F13B: variants seen among roughly 807,000 people sequenced by gnomAD.
F13B encodes the protein TGase.
A neutral mutation model predicts 79.8 loss-of-function variants in F13B; 58 were observed. The ratio of observed to expected loss-of-function variants is 0.73; its 90% CI spans 0.59 to 0.90. The LOEUF is 0.90. F13B is among the 40% of genes least tolerant of loss of function. The probability of loss-of-function intolerance (pLI) is 0.00; values close to 1 mark genes in which losing one functional copy is unlikely to be tolerated. For synonymous variants in F13B, 283 were observed against 260.3 expected, an observed-to-expected ratio of 1.09 and a Z score of -0.84; for missense variants, 773 against 777.0, an observed-to-expected ratio of 0.99 and a Z score of 0.06.
chr1:197,065,016 T>G (rs960494083), intron 1 of F13B, among the ~76,000 whole-genome samples: 1 of 152,158 alleles, frequency 6.6e-6, no homozygotes, highest in Non-Finnish European at 1.5e-5. Context: ...AAACTTCCAC[T>G]ATCTGATGGA....
intron 5 of F13B, among the ~76,000 whole-genome samples, chr1:197,059,556 C>T (rs74987187): frequency 0.023 from 3,449 of 152,228 alleles, 61 homozygotes; most frequent in Non-Finnish European, 0.037. Context: ...ACCCTATCCT[C>T]CCAATTCTCA....
At chr1:197,060,336 A>AT in intron 5 of F13B, 30 bp downstream of exon 5, 1 of 1,562,060 alleles carries the variant, frequency 6.4e-7, no homozygotes, top group Non-Finnish European at 8.8e-7. Context: ...AAGACATGGC[A>AT]TTTTGCGAGT....
In F13B at chr1:197,067,232, G is replaced by A. The variant is rs1656093109; in HGVS notation, c.-9C>T. On this transcript the variant is annotated 5_prime_UTR_variant, in exon 1 of 12. Coordinates refer to ENST00000367412, the MANE Select transcript of F13B (RefSeq NM_001994.3). ...AGGTTTTTCAACCTCATCTTCAGTG[G>A]TGTGCTTCACAAAGATTTTAACAAT... The A allele has an allele frequency of 3.1e-6, 5 of 1,601,844 alleles. No individual in the cohort carries two copies. In the South Asian group the frequency reaches 5.5e-5, roughly 18 times the overall value.
chr1:197,039,909 A>G (rs1654974608), intron 11 of F13B, among the ~76,000 whole-genome samples: 1 of 152,070 alleles, frequency 6.6e-6, no homozygotes, highest in African/African-American at 2.4e-5. Context: ...TGAACAAAAA[A>G]TATAATTTCC....
rs1339659722 is a variant in F13B at position 197,060,544 on chromosome 1, T to C, written c.629-2A>G. Reference sequence around the variant, plus strand: ...ATCTTAAAGAAGAGCACTTTAATTCTGCAAATAAAAGAATGAATAAAATTA... The same window carrying C: ...ATCTTAAAGAAGAGCACTTTAATTCCGCAAATAAAAGAATGAATAAAATTA... On this transcript the variant is annotated splice_acceptor_variant, in intron 4 of 11. Coordinates refer to ENST00000367412, the MANE Select transcript of F13B (RefSeq NM_001994.3). LOFTEE classifies it high-confidence loss of function. 6 of 1,559,394 alleles carry C rather than the reference T, an allele frequency of 3.8e-6. No homozygotes were observed. The highest frequency in any genetic ancestry group is 8.8e-7 in the Non-Finnish European group (1 of 1,137,832).
chr1:197,064,281 C>T (rs576210649), intron 1 of F13B, among the ~76,000 whole-genome samples: 97 of 152,006 alleles, frequency 6.4e-4, no homozygotes, highest in African/African-American at 2.3e-3. Context: ...ATGTACAAAC[C>T]ATATTACCCA....
chr1:197,047,871 T>C (rs545021723), intron 10 of F13B, among the ~76,000 whole-genome samples: 1 of 152,270 alleles, frequency 6.6e-6, no homozygotes, highest in South Asian at 2.1e-4. Context: ...GCCATCATTG[T>C]AAGCAAACTA....
intron 10 of F13B, among the ~76,000 whole-genome samples, chr1:197,048,931 T>C (rs1274550112): frequency 6.6e-6 from 1 of 152,098 alleles, no homozygotes; most frequent in Non-Finnish European, 1.5e-5. Context: ...ATGTCTTAAT[T>C]GAATTAAACT....
intron 10 of F13B, among the ~76,000 whole-genome samples, chr1:197,046,269 T>C (rs1271348938): frequency 6.6e-6 from 1 of 152,134 alleles, no homozygotes; most frequent in East Asian, 1.9e-4. Context: ...GAAAACCCCA[T>C]CGTCTCAGCC....
intron 10 of F13B, 24 bp from the exon 11 acceptor site, chr1:197,040,759 A>C: frequency 6.5e-7 from 1 of 1,547,736 alleles, no homozygotes; most frequent in South Asian, 1.2e-5. Flanking sequence ...TTTAAAAAAA[A>C]AGAAAGAAAA....
intron 10 of F13B, among the ~76,000 whole-genome samples, chr1:197,043,783 T>C (rs1271511396): frequency 2.6e-5 from 4 of 151,978 alleles, no homozygotes; most frequent in South Asian, 2.1e-4. Context: ...AGAGAAAATA[T>C]AGATTTAAAG....
chr1:197,054,082 C>T (rs1214048142), intron 8 of F13B, among the ~76,000 whole-genome samples: 2 of 152,068 alleles, frequency 1.3e-5, no homozygotes, highest in Non-Finnish European at 1.5e-5. Flanking sequence ...TCAATAGTTA[C>T]CAAGATATAC....
At position 197,057,341 on chromosome 1, in the gene F13B, C is replaced by T. The variant is rs1655682776; in HGVS notation, c.930G>A (p.Gly310=). The T allele has an allele frequency of 6.2e-7, 1 of 1,613,794 alleles. No individual in the cohort carries two copies. Among genetic ancestry groups the T allele is most frequent in the East Asian group, 2.2e-5 (1 of 44,870 alleles). ...IECELNFEIH[G]SAEIRCEDGK... is the part of the protein sequence containing the mutation. ...CATCTTCACAACGTATTTCTGCTGA[C>T]CCATGGATCTCAAAATTAAGTTCAC... Residue 310 remains glycine, a synonymous_variant, in exon 6 of 12, where the codon GGG becomes GGA. Coordinates refer to ENST00000367412, the MANE Select transcript of F13B (RefSeq NM_001994.3).
At chr1:197,059,289 ATACC>A (rs1157388851) in intron 5 of F13B, among the ~76,000 whole-genome samples, 2 of 152,164 alleles carry the variant, frequency 1.3e-5, no homozygotes, top group East Asian at 3.9e-4. Context: ...CTCTACTACT[ATACC>A]AAGGATGTCG....
At chr1:197,066,772 A>C (rs1356596047) in intron 1 of F13B, among the ~76,000 whole-genome samples, 1 of 152,170 alleles carries the variant, frequency 6.6e-6, no homozygotes, top group Non-Finnish European at 1.5e-5. Context: ...CTCTCACCTT[A>C]TGAACAGAAT....
intron 5 of F13B, among the ~76,000 whole-genome samples, chr1:197,058,110 A>T (rs1165479927): frequency 6.6e-6 from 1 of 152,192 alleles, no homozygotes; most frequent in Non-Finnish European, 1.5e-5. Flanking sequence ...TTGTGGTGAC[A>T]TTGTTACGCA....
At chr1:197,052,968 CACACAT>C in intron 8 of F13B, 134 bp from the exon 9 acceptor site, 2 of 451,738 alleles carry the variant, frequency 4.4e-6, no homozygotes, top group Non-Finnish European at 7.4e-6. Context: ...GCTTCTCTCA[CACACAT>C]ATATATATAA....
At chr1:197,039,500 TGA>T in intron 11 of F13B, 89 bp from the exon 12 acceptor site, 1 of 985,108 alleles carries the variant, frequency 1.0e-6, no homozygotes, top group Non-Finnish European at 1.6e-6. Flanking sequence ...TTTCATATAA[TGA>T]GTCATTGTTT....
At chr1:197,051,578 C>A (rs1405959105) in intron 9 of F13B, among the ~76,000 whole-genome samples, 1 of 152,064 alleles carries the variant, frequency 6.6e-6, no homozygotes, top group Non-Finnish European at 1.5e-5. Context: ...AGTCTGGCAA[C>A]ATTTATAAAA....
Sources: allele counts gnomAD v4.1 joint callset (sites outside exome capture counted in the v4.1 genomes callset), GRCh38; gene constraint gnomAD v4.1.1; transcripts MANE v1.5; gene names NCBI Gene and HGNC (gene_info 2026-07-23, HGNC 2026-07-21).